Variants in KLRF1 observed in about 807,000 individuals in gnomAD.
KLRF1 encodes the protein killer cell lectin like receptor F1, also known as killer cell lectin-like receptor subfamily F member 1.
A neutral mutation model predicts 30.7 loss-of-function variants in KLRF1; 27 were observed. That is an observed-to-expected ratio of 0.88 (90% CI 0.65 to 1.21). The LOEUF is 1.21. Among genes scored for constraint, KLRF1 ranks in the 50% most tolerant of loss-of-function variants. KLRF1 has a pLI of 0.00. For synonymous variants in KLRF1, 92 were observed against 89.3 expected, an observed-to-expected ratio of 1.03 and a Z score of -0.17; for missense variants, 246 against 259.3, an observed-to-expected ratio of 0.95 and a Z score of 0.35.
rs1311715542 is a variant in KLRF1 at position 9,833,379 on chromosome 12, A to G, written c.261A>G (p.Leu87=). 2.5e-6 allele frequency: 4 copies of G among 1,612,046 alleles called. No homozygotes were observed. The highest frequency in any genetic ancestry group is 3.4e-6 in the Non-Finnish European group (4 of 1,178,982). The change falls in exon 3 of 6, where the codon CTA becomes CTG. Residue 87 remains leucine, a synonymous_variant. Transcript: ENST00000617889. Reference sequence around the variant, plus strand: ...CTCAGTATGAGGACACTGGAGATCTAAAAGTGAATAATGGCACAAGAAGAA... The same window carrying G: ...CTCAGTATGAGGACACTGGAGATCTGAAAGTGAATAATGGCACAAGAAGAA... ...NATQYEDTGD[L]KVNNGTRRNI...
At position 9,840,191 on chromosome 12, in the gene KLRF1, G is replaced by A. The variant is rs1257296368; in HGVS notation, c.335-1621G>A. Among the ~76,000 whole-genome samples, 7 of 152,162 alleles carry A rather than the reference G, an allele frequency of 4.6e-5. No individual in the cohort carries two copies. The South Asian group carries it at 1.2e-3, about 27-fold the overall frequency. Reference sequence around the variant, plus strand: ...ATAAAGCAGGCTAGTGGTTGCCAGCGCTGGGGGAGTAGAAGATGAATAGTG... The same window carrying A: ...ATAAAGCAGGCTAGTGGTTGCCAGCACTGGGGGAGTAGAAGATGAATAGTG... On this transcript the variant is annotated intron_variant, in intron 3 of 5. Transcript: ENST00000617889.
At chr12:9,804,529 T>C in the KLRF1 span, among the ~76,000 whole-genome samples, 1 of 152,066 alleles carries the variant, frequency 6.6e-6, no homozygotes, top group African/African-American at 2.4e-5. Flanking sequence ...ATTATGAAGA[T>C]TTATGGTCAT....
intron 3 of KLRF1, among the ~76,000 whole-genome samples, chr12:9,834,474 G>A (rs1347626882): frequency 6.6e-6 from 1 of 152,102 alleles, no homozygotes; most frequent in Non-Finnish European, 1.5e-5. Context: ...CTTCGAGCGG[G>A]ATTAGGTGTG....
At chr12:9,828,279 C>A (rs891804719) in intron 1 of KLRF1, among the ~76,000 whole-genome samples, 1 of 151,958 alleles carries the variant, frequency 6.6e-6, no homozygotes, top group Non-Finnish European at 1.5e-5. Context: ...TGGGGTTTTA[C>A]CATGTTGGCC....
At chr12:9,817,970 G>A in the KLRF1 span, 2 of 209,222 alleles carry the variant, frequency 9.6e-6, no homozygotes, top group Middle Eastern at 5.1e-4. Context: ...CTCATCATAC[G>A]AATCTTCTGC....
chr12:9,841,565 A>G (rs1232423677), intron 3 of KLRF1, among the ~76,000 whole-genome samples: 2 of 152,102 alleles, frequency 1.3e-5, no homozygotes, highest in African/African-American at 2.4e-5. Context: ...TTTAGTCAAT[A>G]TAATAGATCT....
the KLRF1 span, among the ~76,000 whole-genome samples, chr12:9,815,260 A>G: frequency 0.011 from 1,702 of 152,340 alleles, 14 homozygotes; most frequent in Middle Eastern, 0.031. Context: ...CTAATATACT[A>G]CTTTCTAGCT....
At chr12:9,821,283 T>C in the KLRF1 span, among the ~76,000 whole-genome samples, 2 of 152,066 alleles carry the variant, frequency 1.3e-5, no homozygotes, top group Non-Finnish European at 2.9e-5. Context: ...CAGCTCTGCA[T>C]TCCTCAGACA....
chr12:9,804,702 C>T, the KLRF1 span, among the ~76,000 whole-genome samples: 1 of 151,872 alleles, frequency 6.6e-6, no homozygotes, highest in African/African-American at 2.4e-5. Flanking sequence ...AGTAGATATC[C>T]TTGTCTTGTT....
chr12:9,830,496 CCTT>C (rs1358439784), intron 1 of KLRF1, among the ~76,000 whole-genome samples: 11 of 152,042 alleles, frequency 7.2e-5, no homozygotes, highest in South Asian at 4.1e-4. Flanking sequence ...AAGCAGAAAA[CCTT>C]CTTTCAGTTT....
At chr12:9,816,733 CTTTTT>C in the KLRF1 span, among the ~76,000 whole-genome samples, 4 of 132,832 alleles carry the variant, frequency 3.0e-5, no homozygotes, top group Admixed American at 7.6e-5. Flanking sequence ...GCATTCTCTT[CTTTTT>C]TTTTTTTTTT....
At chr12:9,818,737 T>A in the KLRF1 span, among the ~76,000 whole-genome samples, 1 of 152,160 alleles carries the variant, frequency 6.6e-6, no homozygotes, top group Non-Finnish European at 1.5e-5. Flanking sequence ...TTTATTTATT[T>A]TTGTATTTAG....
intron 1 of KLRF1, among the ~76,000 whole-genome samples, chr12:9,831,263 A>G (rs1414692997): frequency 6.6e-6 from 1 of 152,134 alleles, no homozygotes; most frequent in Non-Finnish European, 1.5e-5. Flanking sequence ...TGGAGTATTC[A>G]TTAAATGAAT....
intron 5 of KLRF1, 92 bp from the exon 6 acceptor site, chr12:9,844,326 A>G (rs778289771): frequency 4.5e-6 from 3 of 669,026 alleles, no homozygotes; most frequent in Non-Finnish European, 7.8e-6. Context: ...ATTTTGAATT[A>G]CTTTTTTATT....
At chr12:9,833,213 C>A in intron 2 of KLRF1, 90 bp from the exon 3 acceptor site, 1 of 856,976 alleles carries the variant, frequency 1.2e-6, no homozygotes. Context: ...ATTTCTTGTT[C>A]CAATCATCGG....
the KLRF1 span, among the ~76,000 whole-genome samples, chr12:9,804,287 G>A: frequency 3.4e-4 from 51 of 151,914 alleles, 2 homozygotes; most frequent in African/African-American, 8.2e-4. Flanking sequence ...ATGGGGTAAT[G>A]TATCTTTTAA....
intron 3 of KLRF1, among the ~76,000 whole-genome samples, chr12:9,834,052 G>A (rs973505399): frequency 8.6e-5 from 13 of 151,866 alleles, no homozygotes; most frequent in East Asian, 1.9e-4. Context: ...AATTACAGTC[G>A]AAGAGGGTAA....
chr12:9,826,598 T>A (rs1341695482), upstream of KLRF1, among the ~76,000 whole-genome samples: 1 of 152,150 alleles, frequency 6.6e-6, no homozygotes, highest in Non-Finnish European at 1.5e-5. Flanking sequence ...CTGTTGACAA[T>A]AGCAAAGACA....
the KLRF1 span, among the ~76,000 whole-genome samples, chr12:9,818,315 C>T: frequency 1.3e-5 from 2 of 152,208 alleles, no homozygotes; most frequent in Non-Finnish European, 2.9e-5. Context: ...TGTACCTGTC[C>T]ATGTCTGGTC....
Sources: gnomAD v4.1 joint callset for allele counts (sites outside exome capture counted in the v4.1 genomes callset) on GRCh38, gnomAD v4.1.1 for gene constraint, MANE v1.5 for transcripts, NCBI Gene and HGNC (gene_info 2026-07-23, HGNC 2026-07-21) for gene names.